TG: variants seen among roughly 807,000 people sequenced by gnomAD.
The protein encoded by TG is thyroglobulin.
A neutral mutation model predicts 324.7 loss-of-function variants in TG; 270 were observed. That is an observed-to-expected ratio of 0.83 (90% CI 0.75 to 0.92). TG has a LOEUF of 0.92. Ranked by LOEUF, TG falls within the 40% of genes least tolerant of loss-of-function variation. TG has a pLI of 0.00. For synonymous variants in TG, 1,401 were observed against 1,327.0 expected (o/e 1.06, Z -1.21); for missense variants, 3,591 against 3,456.4 (o/e 1.04, Z -0.98).
At chr8:133,015,889 T>C (rs538573334) in intron 37 of TG, among the ~76,000 whole-genome samples, 1 of 152,358 alleles carries the variant, frequency 6.6e-6, no homozygotes, top group South Asian at 2.1e-4. Flanking sequence ...TTCCAATGTC[T>C]TTGCGACAGA....
chr8:132,908,114 G>A, intron 17 of TG, 72 bp from the exon 18 acceptor site: 1 of 1,578,998 alleles, frequency 6.3e-7, no homozygotes, highest in Non-Finnish European at 8.6e-7. Flanking sequence ...TATTTTTGCA[G>A]AGGAAATCCC....
rs1587638221 is a variant in TG at position 132,972,357 on chromosome 8, C to G, written c.6056-241C>G. 7 of 573,844 alleles carry G rather than the reference C, an allele frequency of 1.2e-5. No individual in the cohort carries two copies. In the East Asian group the frequency reaches 1.8e-4, roughly 15 times the overall value. 35.5% of individuals were successfully genotyped at this position (573,844 alleles called of 1,614,324 possible). A position where few individuals can be genotyped will look rare whatever the true frequency, so the allele number is the denominator to read the frequency against. On this transcript the variant is annotated intron_variant, in intron 33 of 47. Transcript: ENST00000220616. ...AAGTGATACCAACAGAGACCTAGCA[C>G]AGCCCTAAGCACATGTTAGGTGCTT...
intron 41 of TG, chr8:133,049,199 G>GGGTGCTTATTTTCTTATCTGTT: frequency 2.2e-6 from 1 of 455,316 alleles, no homozygotes; most frequent in Non-Finnish European, 4.4e-6. Flanking sequence ...GGGGAAAGCA[G>GGGTGCTTATTTTCTTATCTGTT]GGTGCTTATT....
intron 35 of TG, among the ~76,000 whole-genome samples, 197 bp from the exon 36 acceptor site, chr8:133,011,704 A>G (rs553380367): frequency 1.3e-5 from 2 of 152,274 alleles, no homozygotes; most frequent in South Asian, 2.1e-4. Context: ...AGGCTTGAGC[A>G]CAGAATCTGG....
intron 41 of TG, chr8:133,049,969 C>T (rs1229879497): frequency 6.2e-7 from 1 of 1,613,260 alleles, no homozygotes; most frequent in Admixed American, 1.7e-5. Context: ...AGAGAAATAG[C>T]TTTCCACCAG....
chr8:133,101,094 C>T (rs1005933121), intron 43 of TG, among the ~76,000 whole-genome samples: 5 of 151,998 alleles, frequency 3.3e-5, no homozygotes, highest in African/African-American at 4.8e-5. Flanking sequence ...GGGAGGGTGG[C>T]GGGTGGCAGG....
At chr8:132,976,501 T>C (rs1830191386) in intron 34 of TG, among the ~76,000 whole-genome samples, 3 of 152,342 alleles carry the variant, frequency 2.0e-5, no homozygotes, top group Middle Eastern at 3.4e-3. Context: ...TGGAAGCCTG[T>C]TGCTGGAAGG....
chr8:132,918,621 G>T lies in TG; in HGVS notation c.4379-755G>T, dbSNP rs894612850. Among the ~76,000 whole-genome samples, 5 of 152,278 alleles carry T rather than the reference G, an allele frequency of 3.3e-5. No homozygotes were observed. The East Asian group carries it at 9.7e-4, about 29-fold the overall frequency. On this transcript the variant is annotated intron_variant, in intron 20 of 47. Coordinates refer to ENST00000220616, the MANE Select transcript of TG (RefSeq NM_003235.5). ...GTACTGACTTCTCTGCCAGAGGGAG[G>T]TGGCTGGATTGGTGGAAGGAACAAA...
chr8:133,134,825 C>G lies in TG; in HGVS notation c.*31C>G. 6.4e-7 allele frequency: 1 copy of G among 1,565,254 alleles called. No homozygotes were observed. ...CCTTGAGCTCCCCAAAAACCTCACC[C>G]GAGGCTGCCCACTATGGTCATCTTT... On this transcript the variant is annotated 3_prime_UTR_variant, in exon 48 of 48. Transcript: ENST00000220616.
chr8:132,902,259 C>T (rs1389015470), intron 16 of TG, among the ~76,000 whole-genome samples: 1 of 152,180 alleles, frequency 6.6e-6, no homozygotes, highest in Non-Finnish European at 1.5e-5. Context: ...GAGTTAGCCA[C>T]AGTTGCCTTT....
intron 29 of TG, among the ~76,000 whole-genome samples, 181 bp from the exon 30 acceptor site, chr8:132,966,379 C>G (rs1183818233): frequency 6.6e-6 from 1 of 152,162 alleles, no homozygotes; most frequent in Non-Finnish European, 1.5e-5. Flanking sequence ...ACTCCCAGCT[C>G]TACTGACTTC....
chr8:132,928,538 TG>T (rs1241143860), intron 22 of TG, among the ~76,000 whole-genome samples: 1 of 152,180 alleles, frequency 6.6e-6, no homozygotes, highest in Non-Finnish European at 1.5e-5. Flanking sequence ...TCCTATCAAA[TG>T]GAACTCAAGT....
chr8:132,900,291 C>G lies in TG; in HGVS notation c.3385C>G (p.Pro1129Ala), dbSNP rs979848234. 6.2e-6 allele frequency: 10 copies of G among 1,613,914 alleles called. No individual in the cohort carries two copies. The highest frequency in any genetic ancestry group is 6.8e-6 in the Non-Finnish European group (8 of 1,179,994). Residue 1129 changes from proline (P) to alanine (A), a missense_variant, in exon 15 of 48, where the codon CCT becomes GCT. Physicochemically the swap from Pro to Ala is conservative, Grantham distance 27. Coordinates refer to ENST00000220616, the MANE Select transcript of TG (RefSeq NM_003235.5). ...ASGAGTWCVD[P>A]ASGEELRPGS... The stretch of plus-strand genomic sequence containing the variant: ...GGGGGCTGGCACCTGGTGTGTGGAC[C>G]CTGCATCAGGAGAAGAGTTGCGGCC...
Position 133,082,823 on chromosome 8 carries a change from CT to C in TG, c.7240-12214del, listed in dbSNP as rs753998665. ...TGCCTTAATACTTTCATGGCATATA[CT>C]TTTTTTCTAATGATAAGATTCTGTT... On this transcript the variant is annotated intron_variant, in intron 41 of 47. Coordinates refer to ENST00000220616, the MANE Select transcript of TG (RefSeq NM_003235.5). 4.8e-5 allele frequency among the ~76,000 whole-genome samples: 5 copies of C among 105,154 alleles called. No homozygotes were observed. The East Asian group carries it at 7.7e-4, about 16-fold the overall frequency. The allele number at this position is 105,154 out of a possible 152,430, so 69.0% of individuals were successfully genotyped here.
Position 132,900,437 on chromosome 8 carries a change from T to G in TG, c.3433+98T>G. ...GGCTTCGTGTCCCAGCTCTACTGCT[T>G]CCATAGCTGTGGGGGCACAGCTGCT... On this transcript the variant is annotated intron_variant, in intron 15 of 47. Transcript: ENST00000220616. 7 of 1,135,320 alleles carry G rather than the reference T, an allele frequency of 6.2e-6. No homozygotes were observed. In the South Asian group the frequency reaches 9.3e-5, roughly 15 times the overall value. The allele number at this position is 1,135,320 out of a possible 1,614,324, so 70.3% of individuals were successfully genotyped here.
chr8:133,030,087 G>C (rs555499646), intron 41 of TG, 64 bp downstream of exon 41: 1 of 1,602,720 alleles, frequency 6.2e-7, no homozygotes, highest in African/African-American at 1.3e-5. Flanking sequence ...TGGTTCTCCT[G>C]TGCTGCAAAA....
At chr8:133,021,893 C>T in intron 39 of TG, 98 bp from the exon 40 acceptor site, 1 of 1,469,964 alleles carries the variant, frequency 6.8e-7, no homozygotes, top group Non-Finnish European at 9.5e-7. Context: ...TGCCACAGAG[C>T]TGGCCAGAGG....
chr8:133,067,912 AAGGAAAG>A (rs760573165), intron 41 of TG, among the ~76,000 whole-genome samples: 4,911 of 60,584 alleles, frequency 0.081, 188 homozygotes, highest in Non-Finnish European at 0.13. Flanking sequence ...GGAAGGAAGG[AAGGAAAG>A]AGAGAGAGAG....
intron 20 of TG, among the ~76,000 whole-genome samples, chr8:132,916,936 G>T (rs1176684397): frequency 6.6e-6 from 1 of 151,418 alleles, no homozygotes; most frequent in Non-Finnish European, 1.5e-5. Context: ...AATTATGCCT[G>T]CCTGCTTACC....
Sources: allele counts gnomAD v4.1 joint callset (sites outside exome capture counted in the v4.1 genomes callset), GRCh38; gene constraint gnomAD v4.1.1; transcripts MANE v1.5; gene names NCBI Gene and HGNC (gene_info 2026-07-23, HGNC 2026-07-21).